Variants in EML2 observed in about 807,000 individuals in gnomAD.
The protein encoded by EML2 is EMAP like 2, also known as echinoderm microtubule-associated protein-like 2.
Under a neutral mutation model 84.7 loss-of-function variants are expected in EML2, and 59 were observed. The ratio of observed to expected loss-of-function variants is 0.70; its 90% CI spans 0.56 to 0.86. The LOEUF (loss-of-function observed/expected upper bound fraction) is 0.86, where lower values mean the gene tolerates loss of function less well. Ranked by LOEUF, EML2 falls within the 40% of genes least tolerant of loss-of-function variation. The pLI is 0.00. For synonymous variants in EML2, 352 were observed against 348.9 expected (o/e 1.01, Z -0.10); for missense variants, 818 against 855.6 (o/e 0.96, Z 0.55).
rs755328157 is a variant in EML2 at position 45,633,127 on chromosome 19, G to A, written c.342C>T (p.His114=). Residue 114 remains histidine (H), a synonymous_variant, in exon 5 of 19, where the codon CAC becomes CAT. Transcript: ENST00000245925. ...HNDDIKCLAI[H]PDMVTIATGQ... is the part of the protein sequence containing the mutation. ...CCGTGGCGATGGTGACCATATCTGG[G>A]TGGATGGCCAAGCTGCGGAAAGAAG... is the stretch of plus-strand genomic sequence containing the variant. The A allele has an allele frequency of 8.1e-6, 13 of 1,605,640 alleles. No homozygotes were observed. Among genetic ancestry groups the A allele is most frequent in the East Asian group, 4.5e-5 (2 of 44,696 alleles).
chr19:45,621,966 C>T (rs1971769593), intron 9 of EML2, among the ~76,000 whole-genome samples: 2 of 152,022 alleles, frequency 1.3e-5, no homozygotes, highest in Non-Finnish European at 2.9e-5. Flanking sequence ...TGGTCTCGAA[C>T]TCCTGACCTC....
intron 6 of EML2, among the ~76,000 whole-genome samples, chr19:45,631,671 G>A (rs1461251245): frequency 2.6e-5 from 4 of 151,966 alleles, no homozygotes; most frequent in Admixed American, 6.6e-5. Flanking sequence ...GCCTCCCAAA[G>A]TGCTGGGATT....
chr19:45,627,588 G>A (rs1427662341), intron 7 of EML2, among the ~76,000 whole-genome samples: 2 of 152,152 alleles, frequency 1.3e-5, no homozygotes, highest in African/African-American at 2.4e-5. Flanking sequence ...TAAAGTACAG[G>A]AAGCAGGACA....
chr19:45,624,403 G>GTATCC (rs1336728809), intron 9 of EML2, among the ~76,000 whole-genome samples: 2 of 152,036 alleles, frequency 1.3e-5, no homozygotes, highest in Non-Finnish European at 2.9e-5. Flanking sequence ...ACTTGTCCAT[G>GTATCC]TATCCATTCA....
intron 1 of EML2, 139 bp downstream of exon 1, chr19:45,639,218 C>T: frequency 1.0e-6 from 1 of 967,324 alleles, no homozygotes; most frequent in Admixed American, 3.4e-5. Context: ...AAACGTCAAG[C>T]AGAGGGAGAA....
upstream of EML2, chr19:45,645,446 C>T: frequency 1.4e-6 from 2 of 1,423,692 alleles, no homozygotes; most frequent in African/African-American, 1.5e-5. Context: ...TTCCAGCATC[C>T]CCAGCTCAGC....
intron 13 of EML2, among the ~76,000 whole-genome samples, chr19:45,617,201 G>A (rs947371838): frequency 1.3e-5 from 2 of 149,090 alleles, no homozygotes; most frequent in Admixed American, 6.7e-5. Context: ...AGCTGAGATC[G>A]CGCCACCGGA....
intron 11 of EML2, 99 bp from the exon 12 acceptor site, chr19:45,619,290 A>C (rs1600105256): frequency 7.0e-7 from 1 of 1,428,434 alleles, no homozygotes. Context: ...CCAGCAACTC[A>C]CCCTGCCCCA....
At position 45,615,863 on chromosome 19, in the gene EML2, C is replaced by T; in HGVS notation, c.1536G>A (p.Leu512=). 1 of 1,613,942 alleles carries T rather than the reference C, an allele frequency of 6.2e-7. No individual in the cohort carries two copies. Among genetic ancestry groups the T allele is most frequent in the Non-Finnish European group, 8.5e-7 (1 of 1,179,934 alleles). ...AGCAGCTGCTGTCCTGGGCCCAATC[C>T]AGGTGGGTGATAAAACTGGAATGGC... ...CSGHSSFITH[L]DWAQDSSCFV... The change falls in exon 16 of 19, where the codon CTG becomes CTA. Residue 512 remains leucine (L), a synonymous_variant. Coordinates refer to ENST00000245925, the MANE Select transcript of EML2 (RefSeq NM_012155.4).
Position 45,609,763 on chromosome 19 carries a change from T to C in EML2, c.1850A>G (p.His617Arg). Residue 617 changes from histidine (H) to arginine (R), a missense_variant, in exon 19 of 19, where the codon CAC becomes CGC. His to Arg is a conservative substitution (Grantham distance 29). Coordinates refer to ENST00000245925, the MANE Select transcript of EML2 (RefSeq NM_012155.4). ...GGCCACATTTGTCACATGGCTGCTG[T>C]GTCCACCGTACTTGTGGCTGAGGGC... is the stretch of plus-strand genomic sequence containing the variant. ...PRALSHKYGG[H>R]SSHVTNVAFL... is the part of the protein sequence containing the mutation. 1 of 1,612,878 alleles carries C rather than the reference T, an allele frequency of 6.2e-7. No individual in the cohort carries two copies. Among genetic ancestry groups the C allele is most frequent in the South Asian group, 1.1e-5 (1 of 90,836 alleles).
chr19:45,616,823 G>T lies in EML2; in HGVS notation c.1353C>A (p.Asp451Glu). 1 of 1,613,462 alleles carries T rather than the reference G, an allele frequency of 6.2e-7. No individual in the cohort carries two copies. The highest frequency in any genetic ancestry group is 8.5e-7 in the Non-Finnish European group (1 of 1,179,946). The change falls in exon 14 of 19, where the codon GAC becomes GAA. Residue 451 changes from aspartate (D) to glutamate (E), a missense_variant. Asp to Glu is a conservative substitution (Grantham distance 45). Transcript: ENST00000245925. ...TGCCGTCTGTGTGGATAGCCACCAGGTCATGGGTCTCCGTGTCCAGCAGCA... is the reference window on the plus strand; with the variant it reads ...TGCCGTCTGTGTGGATAGCCACCAGTTCATGGGTCTCCGTGTCCAGCAGCA... ...RWLLLDTETH[D>E]LVAIHTDGNE...
upstream of EML2, chr19:45,643,646 C>T (rs1350969169): frequency 6.5e-7 from 1 of 1,536,010 alleles, no homozygotes; most frequent in African/African-American, 1.4e-5. Context: ...AAGGTGGTAG[C>T]TTAGACGGGG....
chr19:45,619,367 G>T, intron 11 of EML2, 176 bp from the exon 12 acceptor site: 1 of 716,368 alleles, frequency 1.4e-6, no homozygotes, highest in Non-Finnish European at 2.1e-6. Context: ...CTGAACCCAT[G>T]CCCTGGTGTG....
intron 12 of EML2, 34 bp downstream of exon 12, chr19:45,619,026 A>G (rs1971399002): frequency 6.4e-7 from 1 of 1,567,064 alleles, no homozygotes; most frequent in Non-Finnish European, 8.7e-7. Flanking sequence ...TAGTTCTGTT[A>G]GAATGGTGCT....
upstream of EML2, chr19:45,641,860 C>A: frequency 2.7e-6 from 4 of 1,481,550 alleles, no homozygotes; most frequent in Non-Finnish European, 3.6e-6. Flanking sequence ...GCAAACAAAC[C>A]ACCTCTGTCT....
chr19:45,642,364 G>A, upstream of EML2: 1 of 1,526,142 alleles, frequency 6.6e-7, no homozygotes, highest in Non-Finnish European at 8.8e-7. Flanking sequence ...TGGAAGACGG[G>A]GGAGTGCCGG....
intron 18 of EML2, among the ~76,000 whole-genome samples, chr19:45,612,461 C>G (rs1029660975): frequency 6.6e-6 from 1 of 152,138 alleles, no homozygotes; most frequent in South Asian, 2.1e-4. Context: ...GAGGATTGCT[C>G]AAGCCCAGGA....
chr19:45,639,006 G>T (rs777280051), intron 1 of EML2, 133 bp from the exon 2 acceptor site: 9 of 1,059,682 alleles, frequency 8.5e-6, no homozygotes, highest in Non-Finnish European at 1.3e-5. Context: ...GCAGAGCGCT[G>T]CCTCTCTGCA....
chr19:45,613,722 C>A lies in EML2; in HGVS notation c.1694-51G>T, dbSNP rs887368007. On this transcript the variant is annotated intron_variant, in intron 17 of 18. Coordinates refer to ENST00000245925, the MANE Select transcript of EML2 (RefSeq NM_012155.4). ...TAAGATGTCAGCTGGAGCCAGGGAC[C>A]GCCAAGAGGAGCAGATTGCCACTCC... 2.5e-6 allele frequency: 4 copies of A among 1,590,510 alleles called. 1 individual carries two copies. In the South Asian group the frequency reaches 4.5e-5, roughly 18 times the overall value.
Sources: gnomAD v4.1 joint callset for allele counts (sites outside exome capture counted in the v4.1 genomes callset) on GRCh38, gnomAD v4.1.1 for gene constraint, MANE v1.5 for transcripts, NCBI Gene and HGNC (gene_info 2026-07-23, HGNC 2026-07-21) for gene names.